ARMC2: variants seen among roughly 807,000 people sequenced by gnomAD.
ARMC2 encodes armadillo repeat containing 2, also known as armadillo repeat-containing protein 2.
Under a neutral mutation model 90.3 loss-of-function variants are expected in ARMC2, and 67 were observed. That is an observed-to-expected ratio of 0.74 (90% CI 0.61 to 0.91). The LOEUF (loss-of-function observed/expected upper bound fraction) is 0.91. Among genes scored for constraint, ARMC2 ranks in the 40% least tolerant of loss-of-function variants. The pLI is 0.00. For missense variants in ARMC2, 920 were observed against 1,030.9 expected, an observed-to-expected ratio of 0.89 and a Z score of 1.47; for synonymous variants, 393 against 393.0, an observed-to-expected ratio of 1.00 and a Z score of 0.00.
At chr6:108,954,147 G>A (rs1161968342) in intron 13 of ARMC2, among the ~76,000 whole-genome samples, 2 of 152,170 alleles carry the variant, frequency 1.3e-5, no homozygotes, top group Non-Finnish European at 2.9e-5. Flanking sequence ...GTAACCTGCT[G>A]TATCTCTTCA....
Position 108,912,373 on chromosome 6 carries a change from A to C in ARMC2, c.1165A>C (p.Thr389Pro). 1 of 1,611,602 alleles carries C rather than the reference A, an allele frequency of 6.2e-7. No homozygotes were observed. The highest frequency in any genetic ancestry group is 8.5e-7 in the Non-Finnish European group (1 of 1,179,250). Reference protein sequence around the residue: ...LEVLRSEDLQTNMEAFLYCMG... With the variant: ...LEVLRSEDLQPNMEAFLYCMG... ...GGTACTAAGAAGTGAAGACCTGCAAACTAACATGGAAGCTTTTTTATACTG... is the reference window on the plus strand; with the variant it reads ...GGTACTAAGAAGTGAAGACCTGCAACCTAACATGGAAGCTTTTTTATACTG... The change falls in exon 10 of 18, where the codon ACT (threonine) becomes CCT (proline). Residue 389 changes from threonine (T) to proline (P), a missense_variant. Coordinates refer to ENST00000392644, the MANE Select transcript of ARMC2 (RefSeq NM_032131.6).
chr6:108,932,508 C>T (rs1253687876), intron 11 of ARMC2, among the ~76,000 whole-genome samples: 35 of 125,040 alleles, frequency 2.8e-4, no homozygotes, highest in Non-Finnish European at 4.4e-4. Context: ...TGAGTCTTTT[C>T]TCCATTGCTT....
At chr6:108,932,934 G>A (rs1164860667) in intron 11 of ARMC2, among the ~76,000 whole-genome samples, 1 of 152,060 alleles carries the variant, frequency 6.6e-6, no homozygotes, top group African/African-American at 2.4e-5. Flanking sequence ...GCCTGTTTTT[G>A]TACCAGTACC....
At chr6:109,043,627 T>G in the ARMC2 span, among the ~76,000 whole-genome samples, 1 of 151,874 alleles carries the variant, frequency 6.6e-6, no homozygotes, top group Non-Finnish European at 1.5e-5. Flanking sequence ...AAAAAGAAAA[T>G]AGGCATAAAT....
At chr6:109,047,531 C>T in the ARMC2 span, among the ~76,000 whole-genome samples, 2 of 133,328 alleles carry the variant, frequency 1.5e-5, no homozygotes, top group Non-Finnish European at 3.4e-5. Context: ...GCGCCTCTGC[C>T]CGGCCGCCCC....
At chr6:108,906,309 GAAATACCA>G (rs1358136856) in intron 8 of ARMC2, among the ~76,000 whole-genome samples, 4 of 152,026 alleles carry the variant, frequency 2.6e-5, no homozygotes, top group African/African-American at 9.7e-5. Flanking sequence ...AAAAAGAAAA[GAAATACCA>G]ATTACCAACT....
chr6:108,852,643 C>T (rs1175718573), intron 1 of ARMC2, among the ~76,000 whole-genome samples: 1 of 152,158 alleles, frequency 6.6e-6, no homozygotes, highest in East Asian at 1.9e-4. Context: ...TCTATTATTA[C>T]TCCCCACAGA....
chr6:108,904,715 CA>C (rs1440148246), intron 8 of ARMC2, among the ~76,000 whole-genome samples: 1 of 151,566 alleles, frequency 6.6e-6, no homozygotes, highest in Non-Finnish European at 1.5e-5. Flanking sequence ...TAACCGTAGG[CA>C]AATACATTCA....
At chr6:108,963,684 A>G (rs150916348) in intron 15 of ARMC2, among the ~76,000 whole-genome samples, 1 of 152,108 alleles carries the variant, frequency 6.6e-6, no homozygotes, top group African/African-American at 2.4e-5. Flanking sequence ...TCCTGCCTTG[A>G]GATGTCCCTA....
intron 3 of ARMC2, among the ~76,000 whole-genome samples, chr6:108,865,826 T>C (rs1775756363): frequency 6.6e-6 from 1 of 152,058 alleles, no homozygotes; most frequent in African/African-American, 2.4e-5. Flanking sequence ...GAGACCAGCC[T>C]GGGCCACATA....
chr6:109,007,026 G>A, the ARMC2 span, among the ~76,000 whole-genome samples: 1 of 152,128 alleles, frequency 6.6e-6, no homozygotes, highest in Non-Finnish European at 1.5e-5. Context: ...AACCTCACAG[G>A]CTCTCTGTGA....
intron 14 of ARMC2, 29 bp from the exon 15 acceptor site, chr6:108,961,985 G>T (rs762067298): frequency 2.2e-5 from 33 of 1,473,612 alleles, no homozygotes; most frequent in Non-Finnish European, 2.3e-5. Context: ...TAAATTCACT[G>T]ATTTAATTTC....
the ARMC2 span, among the ~76,000 whole-genome samples, chr6:109,033,426 G>C: frequency 1.3e-5 from 2 of 152,168 alleles, no homozygotes; most frequent in African/African-American, 4.8e-5. Flanking sequence ...GTCAGAGGTG[G>C]TTTTGATGGA....
the ARMC2 span, chr6:108,986,511 C>T: frequency 6.6e-6 from 1 of 152,636 alleles, no homozygotes; most frequent in Non-Finnish European, 1.5e-5. Flanking sequence ...ATTCACGCTT[C>T]CAGAATACAA....
Position 108,964,888 on chromosome 6 carries a change from T to C in ARMC2, c.2286-92T>C, listed in dbSNP as rs1197624170. 5.2e-6 allele frequency: 5 copies of C among 966,592 alleles called. No homozygotes were observed. In the Admixed American group the frequency reaches 6.7e-5, roughly 13 times the overall value. The allele number at this position is 966,592 out of a possible 1,614,324, so 59.9% of individuals were successfully genotyped here. On this transcript the variant is annotated intron_variant, in intron 16 of 17. Coordinates refer to ENST00000392644, the MANE Select transcript of ARMC2 (RefSeq NM_032131.6). ...AAGTGATCACTGGATTATACTTACA[T>C]ATCACAGAAGGATAATCATTATGCT...
At chr6:108,941,028 G>A (rs1352288871) in intron 12 of ARMC2, among the ~76,000 whole-genome samples, 1 of 152,164 alleles carries the variant, frequency 6.6e-6, no homozygotes, top group Non-Finnish European at 1.5e-5. Context: ...AGGCTAAGGC[G>A]GGAGGATTGC....
intron 3 of ARMC2, 48 bp from the exon 4 acceptor site, chr6:108,868,776 T>C (rs753492918): frequency 6.3e-7 from 1 of 1,580,538 alleles, no homozygotes; most frequent in Non-Finnish European, 8.6e-7. Flanking sequence ...TAAGTGTTAT[T>C]TGAGACGCAG....
intron 6 of ARMC2, among the ~76,000 whole-genome samples, chr6:108,895,829 C>A (rs1276386711): frequency 1.3e-5 from 2 of 151,996 alleles, no homozygotes; most frequent in Admixed American, 1.3e-4. Context: ...TGGTGGTAAC[C>A]CCTAGAGGGA....
At chr6:109,026,322 C>T in the ARMC2 span, among the ~76,000 whole-genome samples, 1 of 152,020 alleles carries the variant, frequency 6.6e-6, no homozygotes, top group African/African-American at 2.4e-5. Context: ...GTGAAAAAGA[C>T]CAAAGAACAG....
Sources: allele counts gnomAD v4.1 joint callset (sites outside exome capture counted in the v4.1 genomes callset), GRCh38; gene constraint gnomAD v4.1.1; transcripts MANE v1.5; gene names NCBI Gene and HGNC (gene_info 2026-07-23, HGNC 2026-07-21).